Variants in WDPCP observed in about 807,000 individuals in gnomAD.
WDPCP encodes WD repeat-containing and planar cell polarity effector protein fritz homolog.
WDPCP carries 71 observed loss-of-function variants against 93.1 expected under a neutral mutation model. The observed-to-expected ratio is 0.76, with a 90% confidence interval of 0.63 to 0.93. The LOEUF is 0.93. Ranked by LOEUF, WDPCP falls within the 40% of genes least tolerant of loss-of-function variation. WDPCP has a pLI of 0.00. For synonymous variants in WDPCP, 315 were observed against 315.0 expected (o/e 1.00, Z 0.00); for missense variants, 844 against 887.4 (o/e 0.95, Z 0.62).
At chr2:63,450,436 C>T (rs1321767183) in intron 6 of WDPCP, among the ~76,000 whole-genome samples, 1 of 152,156 alleles carries the variant, frequency 6.6e-6, no homozygotes, top group African/African-American at 2.4e-5. Context: ...CTGGCATCAC[C>T]CATACCATGC....
Position 63,153,581 on chromosome 2 carries a change from T to C in WDPCP, c.2079-7A>G, listed in dbSNP as rs1317341636. ...CCTTCTGTCAATTATTTGTCTGCAGTATATGGGTGTTTTTAATTGGAAAAA... is the reference window on the plus strand; with the variant it reads ...CCTTCTGTCAATTATTTGTCTGCAGCATATGGGTGTTTTTAATTGGAAAAA... On this transcript the variant is annotated splice_region_variant and splice_polypyrimidine_tract_variant and intron_variant, in intron 15 of 17. Coordinates refer to ENST00000272321, the MANE Select transcript of WDPCP (RefSeq NM_015910.7). 3 of 1,604,088 alleles carry C rather than the reference T, an allele frequency of 1.9e-6. No individual in the cohort carries two copies. Among genetic ancestry groups the C allele is most frequent in the East Asian group, 4.5e-5 (2 of 44,464 alleles).
intron 3 of WDPCP, chr2:63,594,583 T>G: frequency 1.9e-6 from 3 of 1,606,956 alleles, no homozygotes; most frequent in Non-Finnish European, 2.6e-6. Context: ...TTGGTAAAGA[T>G]CAGGTAGGAA....
chr2:63,535,836 G>C (rs1198917222), intron 1 of WDPCP, among the ~76,000 whole-genome samples: 1 of 152,124 alleles, frequency 6.6e-6, no homozygotes, highest in Non-Finnish European at 1.5e-5. Flanking sequence ...CAAAAGCAAT[G>C]GCAACAAAAG....
chr2:63,459,300 T>C (rs1197479276), intron 6 of WDPCP, among the ~76,000 whole-genome samples: 2 of 151,778 alleles, frequency 1.3e-5, no homozygotes, highest in African/African-American at 2.4e-5. Flanking sequence ...TAGGAGAAAA[T>C]GTTTGCAAAT....
chr2:63,264,477 G>C (rs1003030287), intron 13 of WDPCP, among the ~76,000 whole-genome samples: 5 of 152,092 alleles, frequency 3.3e-5, no homozygotes, highest in Middle Eastern at 3.2e-3. Context: ...ACTATGAAAA[G>C]AGAAAAAGAA....
intron 6 of WDPCP, among the ~76,000 whole-genome samples, chr2:63,452,399 C>A (rs1272545426): frequency 1.3e-5 from 2 of 152,138 alleles, no homozygotes; most frequent in Non-Finnish European, 2.9e-5. Flanking sequence ...TGTGAAGGAC[C>A]TCTTCAAGAA....
intron 9 of WDPCP, among the ~76,000 whole-genome samples, chr2:63,414,936 C>A (rs1435586863): frequency 6.6e-6 from 1 of 152,092 alleles, no homozygotes; most frequent in Non-Finnish European, 1.5e-5. Flanking sequence ...AGCTGCCAAT[C>A]CTAGATTACT....
intron 6 of WDPCP, among the ~76,000 whole-genome samples, chr2:63,446,296 T>C (rs1697861395): frequency 6.6e-6 from 1 of 152,146 alleles, no homozygotes; most frequent in South Asian, 2.1e-4. Flanking sequence ...CCCTGTCAGA[T>C]CAGCTGCAGC....
intron 13 of WDPCP, among the ~76,000 whole-genome samples, chr2:63,268,879 T>C (rs1032949259): frequency 6.6e-6 from 1 of 152,174 alleles, no homozygotes; most frequent in Non-Finnish European, 1.5e-5. Flanking sequence ...AATGTATACA[T>C]AGATAAAAAC....
chr2:63,185,598 T>C (rs953128137), intron 14 of WDPCP, among the ~76,000 whole-genome samples: 1 of 152,176 alleles, frequency 6.6e-6, no homozygotes, highest in Non-Finnish European at 1.5e-5. Flanking sequence ...TGACCTCCTG[T>C]GAAGCCAGGG....
At chr2:63,564,797 A>G (rs1252919304) in intron 1 of WDPCP, among the ~76,000 whole-genome samples, 1 of 88,732 alleles carries the variant, frequency 1.1e-5, no homozygotes, top group African/African-American at 5.3e-5. Flanking sequence ...TTTTTTTTTG[A>G]GACAGAGTCT....
Position 63,381,964 on chromosome 2 carries a change from G to T in WDPCP, c.1566C>A (p.Ile522=), listed in dbSNP as rs1302033208. Residue 522 remains isoleucine, a synonymous_variant, in exon 11 of 18, where the codon ATC becomes ATA. Transcript: ENST00000272321. The stretch of plus-strand genomic sequence containing the variant: ...GATGGTTTACAATGGCGCTCATGCT[G>T]ATAAAGCACTGGTGGCCCAGAGTGT... ...NWDTLGHQCF[I]SMSAIVNHLL... 6.2e-7 allele frequency: 1 copy of T among 1,613,554 alleles called. No homozygotes were observed. The highest frequency in any genetic ancestry group is 2.2e-5 in the East Asian group (1 of 44,806).
chr2:63,839,901 G>A, the WDPCP span, among the ~76,000 whole-genome samples: 2 of 152,148 alleles, frequency 1.3e-5, no homozygotes, highest in Non-Finnish European at 2.9e-5. Flanking sequence ...AGTACCAATG[G>A]TTGTCATTCT....
chr2:63,686,866 A>G (rs1668811135), intron 2 of WDPCP, among the ~76,000 whole-genome samples: 1 of 60,328 alleles, frequency 1.7e-5, no homozygotes, highest in Non-Finnish European at 3.4e-5. Context: ...AAAACTGTAT[A>G]TCCATATTCA....
At chr2:63,387,850 A>G (rs1692874525) in intron 10 of WDPCP, among the ~76,000 whole-genome samples, 1 of 152,184 alleles carries the variant, frequency 6.6e-6, no homozygotes, top group Admixed American at 6.6e-5. Context: ...TGAGAGCCAA[A>G]TAAGCAACAC....
At chr2:63,526,080 TAC>T (rs1553421438) in intron 1 of WDPCP, among the ~76,000 whole-genome samples, 5 of 151,686 alleles carry the variant, frequency 3.3e-5, no homozygotes, top group Admixed American at 2.0e-4. Context: ...TGTGTGTGTG[TAC>T]ACACACATAC....
At chr2:63,367,515 C>T (rs7355552) in intron 12 of WDPCP, among the ~76,000 whole-genome samples, 83,770 of 151,898 alleles carry the variant, frequency 0.55, 23,406 homozygotes, top group Admixed American at 0.63. Flanking sequence ...ACAAATACAA[C>T]GTTTATTGCA....
intron 13 of WDPCP, among the ~76,000 whole-genome samples, chr2:63,275,292 A>G (rs1393385897): frequency 1.3e-5 from 2 of 152,226 alleles, no homozygotes; most frequent in Non-Finnish European, 2.9e-5. Context: ...ACCTACCTCA[A>G]TATAATAAAG....
intron 12 of WDPCP, among the ~76,000 whole-genome samples, chr2:63,331,624 T>G (rs1437485810): frequency 6.6e-6 from 1 of 152,222 alleles, no homozygotes; most frequent in African/African-American, 2.4e-5. Flanking sequence ...GATAAGTATT[T>G]TTTAGATCAT....
Sources: allele counts gnomAD v4.1 joint callset (sites outside exome capture counted in the v4.1 genomes callset), GRCh38; gene constraint gnomAD v4.1.1; transcripts MANE v1.5; gene names NCBI Gene and HGNC (gene_info 2026-07-23, HGNC 2026-07-21).